SPATA13: variants seen among roughly 807,000 people sequenced by gnomAD.
The protein encoded by SPATA13 is spermatogenesis associated 13, also known as spermatogenesis-associated protein 13.
In SPATA13, 50 loss-of-function variants were observed where a neutral mutation model predicts 104.0. That is an observed-to-expected ratio of 0.48 (90% confidence interval 0.38 to 0.61). SPATA13 has a LOEUF of 0.61. SPATA13 is among the 20% of genes least tolerant of loss of function. SPATA13 has a pLI of 0.00. For missense variants in SPATA13, 1,524 were observed against 1,690.6 expected (o/e 0.90, Z 1.73); for synonymous variants, 606 against 667.5 (o/e 0.91, Z 1.42).
At chr13:24,213,725 C>T (rs537216120) in intron 1 of SPATA13, among the ~76,000 whole-genome samples, 102 of 152,170 alleles carry the variant, frequency 6.7e-4, no homozygotes, top group African/African-American at 2.4e-3. Context: ...TTTAATATAG[C>T]GATCCTATTA....
intron 3 of SPATA13, among the ~76,000 whole-genome samples, chr13:24,150,983 A>G (rs1478774101): frequency 6.6e-6 from 1 of 151,850 alleles, no homozygotes; most frequent in Admixed American, 6.6e-5. Context: ...GCATTACAAA[A>G]CCCCCACTAA....
chr13:24,210,781 G>A (rs371045285), intron 1 of SPATA13, among the ~76,000 whole-genome samples: 1 of 74,678 alleles, frequency 1.3e-5, no homozygotes. Flanking sequence ...TTTTTTTTTT[G>A]TATTTCATTG....
Position 24,161,532 on chromosome 13 carries a change from C to T in SPATA13, c.-112+600C>T, listed in dbSNP as rs1882492407. On this transcript the variant is annotated intron_variant, in intron 1 of 12. Transcript: ENST00000382108. The surrounding 1 kb of genome is among the most constrained non-coding windows in gnomAD (Gnocchi z 4.5). The stretch of plus-strand genomic sequence containing the variant: ...TGCATTGGCGGAGTTGGTTTGGTCC[C>T]ATTCTGTGCAGGAGGTGGGGGAATT... Among the ~76,000 whole-genome samples the T allele has an allele frequency of 6.6e-6, 1 of 152,194 alleles. No individual in the cohort carries two copies.
chr13:24,008,980 C>A (rs1213177781), intron 2 of SPATA13, among the ~76,000 whole-genome samples: 1 of 152,202 alleles, frequency 6.6e-6, no homozygotes, highest in African/African-American at 2.4e-5. Context: ...CAAGGAGCAG[C>A]ACAAGAGGTG....
At chr13:24,002,694 G>A (rs1425931790) in intron 2 of SPATA13, among the ~76,000 whole-genome samples, 1 of 152,140 alleles carries the variant, frequency 6.6e-6, no homozygotes, top group Non-Finnish European at 1.5e-5. Flanking sequence ...CCTTGAGGAA[G>A]GAAGAGCATC....
chr13:24,096,276 A>G (rs921333884), intron 3 of SPATA13, among the ~76,000 whole-genome samples: 7 of 152,190 alleles, frequency 4.6e-5, no homozygotes, highest in African/African-American at 1.7e-4. Context: ...TTAGTGCTGT[A>G]AAGAAAAAAG....
At position 24,275,819 on chromosome 13, in the gene SPATA13, A is replaced by G. The variant is rs1013549412; in HGVS notation, c.2165-8316A>G. Reference sequence around the variant, plus strand: ...TGTGATGGCACGCACCTGTAATCTCAGCTACTCGGTAGTCTTAGGCAGGAG... The same window carrying G: ...TGTGATGGCACGCACCTGTAATCTCGGCTACTCGGTAGTCTTAGGCAGGAG... On this transcript the variant is annotated intron_variant, in intron 4 of 12. Coordinates refer to ENST00000382108, the MANE Select transcript of SPATA13 (RefSeq NM_001166271.3). Among the ~76,000 whole-genome samples the G allele has an allele frequency of 2.0e-5, 3 of 152,314 alleles. No individual in the cohort carries two copies. In the South Asian group the frequency reaches 6.2e-4, roughly 32 times the overall value.
chr13:24,297,307 A>G (rs147767213), intron 10 of SPATA13, 56 bp from the exon 11 acceptor site: 5 of 1,544,066 alleles, frequency 3.2e-6, no homozygotes, highest in Non-Finnish European at 4.4e-6. Context: ...TTAAGTAGCT[A>G]GGACTACAGC....
At chr13:24,254,829 T>TA (rs398021945) in intron 4 of SPATA13, among the ~76,000 whole-genome samples, 1 of 151,098 alleles carries the variant, frequency 6.6e-6, no homozygotes. Context: ...TTTTTTTTTT[T>TA]CCTTTTTATG....
At chr13:24,128,641 A>G (rs1427653380) in intron 3 of SPATA13, among the ~76,000 whole-genome samples, 4 of 151,974 alleles carry the variant, frequency 2.6e-5, no homozygotes, top group South Asian at 4.2e-4. Flanking sequence ...GCTGATGTGG[A>G]CAGGCCTTGT....
intron 2 of SPATA13, among the ~76,000 whole-genome samples, chr13:24,000,349 C>T (rs890041176): frequency 6.6e-6 from 1 of 152,030 alleles, no homozygotes; most frequent in African/African-American, 2.4e-5. Flanking sequence ...CAGCAGGCGA[C>T]AAAGTCCAGT....
intron 2 of SPATA13, among the ~76,000 whole-genome samples, chr13:24,013,103 G>A (rs762242739): frequency 3.3e-5 from 5 of 152,196 alleles, no homozygotes; most frequent in African/African-American, 7.2e-5. Flanking sequence ...GAGCCAGGGT[G>A]GGGGGTACAT....
chr13:24,244,592 G>T (rs989114166), intron 2 of SPATA13, among the ~76,000 whole-genome samples: 1 of 152,196 alleles, frequency 6.6e-6, no homozygotes, highest in Non-Finnish European at 1.5e-5. Context: ...AGGCACTGTG[G>T]TTCACACCTG....
chr13:24,134,129 A>C (rs1881478743), intron 3 of SPATA13, among the ~76,000 whole-genome samples: 1 of 152,170 alleles, frequency 6.6e-6, no homozygotes, highest in Non-Finnish European at 1.5e-5. Flanking sequence ...CTGCCAGGTG[A>C]GAAATGCCAA....
At chr13:24,228,018 C>T (rs1872043915) in intron 2 of SPATA13, among the ~76,000 whole-genome samples, 1 of 151,970 alleles carries the variant, frequency 6.6e-6, no homozygotes, top group African/African-American at 2.4e-5. Context: ...GATTCTTCCG[C>T]CTCAGCCTCC....
intron 3 of SPATA13, among the ~76,000 whole-genome samples, chr13:24,141,672 C>T (rs1003607726): frequency 3.3e-5 from 5 of 152,192 alleles, no homozygotes; most frequent in Admixed American, 1.3e-4. Flanking sequence ...GCGCCTGCCA[C>T]GCAGGGGGTA....
At chr13:24,158,790 T>A (rs542412741), upstream of SPATA13, among the ~76,000 whole-genome samples, 1 of 152,324 alleles carries the variant, frequency 6.6e-6, no homozygotes, top group East Asian at 1.9e-4. Context: ...GGTCCCACTG[T>A]CACCGGCTCA....
chr13:24,124,995 T>C (rs1286021968), intron 3 of SPATA13, among the ~76,000 whole-genome samples: 1 of 152,152 alleles, frequency 6.6e-6, no homozygotes, highest in Non-Finnish European at 1.5e-5. Flanking sequence ...TCAGAGCGGG[T>C]GGTGGCAGAC....
intron 9 of SPATA13, among the ~76,000 whole-genome samples, chr13:24,294,173 G>A (rs1000080987): frequency 2.0e-5 from 3 of 152,184 alleles, no homozygotes; most frequent in South Asian, 2.1e-4. Flanking sequence ...TTAGCTTGAC[G>A]TGACTGTGGT....
Sources: allele counts gnomAD v4.1 joint callset (sites outside exome capture counted in the v4.1 genomes callset), GRCh38; gene constraint gnomAD v4.1.1; non-coding constraint Gnocchi (gnomAD v3.1); transcripts MANE v1.5; gene names NCBI Gene and HGNC (gene_info 2026-07-23, HGNC 2026-07-21).